Variants in MCPH1 observed in about 807,000 individuals in gnomAD.
The protein encoded by MCPH1 is microcephalin.
In MCPH1, 104 loss-of-function variants were observed where a neutral mutation model predicts 84.5. The observed-to-expected ratio is 1.23, with a 90% CI of 1.05 to 1.45. The LOEUF is 1.45. Ranked by LOEUF, MCPH1 falls within the 40% of genes most tolerant of loss-of-function variation. The pLI is 0.00. For missense variants in MCPH1, 1,498 were observed against 1,005.7 expected, an observed-to-expected ratio of 1.49 and a Z score of -6.62; for synonymous variants, 514 against 366.8, an observed-to-expected ratio of 1.40 and a Z score of -4.58.
Position 6,531,633 on chromosome 8 carries a change from A to G in MCPH1, c.2214+31704A>G, listed in dbSNP as rs556844712. ...AGTCTTCTTTCTGTTATTATTAATCACTAGCTCATAGAATCTCACAGTGGA... is the reference window on the plus strand; with the variant it reads ...AGTCTTCTTTCTGTTATTATTAATCGCTAGCTCATAGAATCTCACAGTGGA... On this transcript the variant is annotated intron_variant, in intron 12 of 13. Coordinates refer to ENST00000344683, the MANE Select transcript of MCPH1 (RefSeq NM_024596.5). 3.3e-5 allele frequency among the ~76,000 whole-genome samples: 5 copies of G among 152,218 alleles called. No homozygotes were observed. The East Asian group carries it at 9.7e-4, about 29-fold the overall frequency.
chr8:6,571,946 C>G (rs1054922064), intron 12 of MCPH1, among the ~76,000 whole-genome samples: 21 of 152,166 alleles, frequency 1.4e-4, no homozygotes, highest in African/African-American at 4.6e-4. Flanking sequence ...GATGATGGTT[C>G]AAGTCTTTCC....
At position 6,431,442 on chromosome 8, in the gene MCPH1, G is replaced by T. The variant is rs921265982; in HGVS notation, c.234-57G>T. The T allele has an allele frequency of 2.0e-5, 25 of 1,281,368 alleles. No individual in the cohort carries two copies. In the South Asian group the frequency reaches 3.0e-4, roughly 15 times the overall value. 79.4% of individuals were successfully genotyped at this position (1,281,368 alleles called of 1,614,324 possible). On this transcript the variant is annotated intron_variant, in intron 3 of 13. Transcript: ENST00000344683. The stretch of plus-strand genomic sequence containing the variant: ...CTAATACATGTGCAGATTTAGTGCT[G>T]TGTCAATGTATAATAGAAGCAAATA...
intron 13 of MCPH1, among the ~76,000 whole-genome samples, chr8:6,634,021 A>C (rs1485208432): frequency 1.3e-5 from 2 of 152,226 alleles, no homozygotes; most frequent in African/African-American, 2.4e-5. Context: ...ACCTGAAGAA[A>C]CAGAAGGATA....
At chr8:6,561,969 C>A (rs116625035) in intron 12 of MCPH1, among the ~76,000 whole-genome samples, 361 of 152,274 alleles carry the variant, frequency 2.4e-3, no homozygotes, top group African/African-American at 8.4e-3. Context: ...GGACGCATTC[C>A]GCACCGGTTG....
At chr8:6,636,846 C>G (rs1417216488) in intron 13 of MCPH1, among the ~76,000 whole-genome samples, 1 of 152,186 alleles carries the variant, frequency 6.6e-6, no homozygotes, top group African/African-American at 2.4e-5. Context: ...TGGTCTCCAG[C>G]ATTTTGGATA....
chr8:6,444,638 A>T lies in MCPH1; in HGVS notation c.916A>T (p.Ile306Phe). 1 of 1,613,920 alleles carries T rather than the reference A, an allele frequency of 6.2e-7. No individual in the cohort carries two copies. Among genetic ancestry groups the T allele is most frequent in the Non-Finnish European group, 8.5e-7 (1 of 1,180,028 alleles). ...GGAAGAAATAAACTTGCAAAGAAAT[A>T]TTGCAGGTAAAGTAGTCACCCCTGA... ...SKEEINLQRN[I>F]AGKVVTPDQK... Residue 306 changes from isoleucine to phenylalanine, a missense_variant, in exon 8 of 14, where the codon ATT becomes TTT. Ile to Phe is a conservative substitution (Grantham distance 21). Coordinates refer to ENST00000344683, the MANE Select transcript of MCPH1 (RefSeq NM_024596.5).
chr8:6,560,875 G>T (rs2959769), intron 12 of MCPH1, among the ~76,000 whole-genome samples: 13,392 of 152,280 alleles, frequency 0.088, 1,520 homozygotes, highest in African/African-American at 0.27. Context: ...CAAATACAAT[G>T]TAGCAGCCTT....
At chr8:6,442,385 G>A (rs931271853) in intron 7 of MCPH1, among the ~76,000 whole-genome samples, 3 of 151,974 alleles carry the variant, frequency 2.0e-5, no homozygotes, top group African/African-American at 7.3e-5. Context: ...TCTTGCTACA[G>A]AATCCATTGC....
At chr8:6,617,055 G>A (rs1189619478) in intron 12 of MCPH1, 4 of 152,180 alleles carry the variant, frequency 2.6e-5, no homozygotes, top group Non-Finnish European at 4.4e-5. Flanking sequence ...GGCAGGAAAT[G>A]AATTCTGTCT....
chr8:6,520,601 G>C (rs997842177), intron 12 of MCPH1, among the ~76,000 whole-genome samples: 1 of 152,104 alleles, frequency 6.6e-6, no homozygotes, highest in South Asian at 2.1e-4. Flanking sequence ...TCACCATGTT[G>C]GCCACGCTGG....
intron 3 of MCPH1, among the ~76,000 whole-genome samples, chr8:6,415,507 C>G (rs1209520768): frequency 6.6e-6 from 1 of 151,948 alleles, no homozygotes; most frequent in Admixed American, 6.6e-5. Context: ...GCACGCACCA[C>G]CATGCCTGGC....
intron 12 of MCPH1, among the ~76,000 whole-genome samples, chr8:6,528,924 G>T (rs1405120968): frequency 6.6e-6 from 1 of 152,124 alleles, no homozygotes; most frequent in South Asian, 2.1e-4. Context: ...GCCAACGTAA[G>T]GTTTTGTTTG....
At chr8:6,506,050 A>G (rs1259106267) in intron 12 of MCPH1, among the ~76,000 whole-genome samples, 1 of 148,474 alleles carries the variant, frequency 6.7e-6, no homozygotes, top group East Asian at 2.0e-4. Context: ...CTTTATATAT[A>G]TATATGTTGT....
chr8:6,547,660 C>T (rs905376970), intron 12 of MCPH1, among the ~76,000 whole-genome samples: 5 of 151,970 alleles, frequency 3.3e-5, no homozygotes, highest in Admixed American at 6.6e-5. Context: ...CTTTGAGTGA[C>T]GGTGTGTGAC....
intron 12 of MCPH1, among the ~76,000 whole-genome samples, chr8:6,530,498 G>C (rs1282544509): frequency 1.7e-5 from 2 of 115,468 alleles, no homozygotes; most frequent in Non-Finnish European, 3.4e-5. Flanking sequence ...AATGCAGTGA[G>C]ACTCTGTCTC....
rs149968952 is a variant in MCPH1, at chr8:6,641,733, G to T, written c.2453-1261G>T. 3.4e-3 allele frequency among the ~76,000 whole-genome samples: 511 copies of T among 152,272 alleles called. 4 individuals carry two copies. The highest frequency in any genetic ancestry group is 0.012 in the African/African-American group (485 of 41,554). On this transcript the variant is annotated intron_variant, in intron 13 of 13. Transcript: ENST00000344683. Reference sequence around the variant, plus strand: ...CAGTCTAACCTGCGTGACTGAGCAAGACCCTATCTCAAAAAAAGAAAAAAT... The same window carrying T: ...CAGTCTAACCTGCGTGACTGAGCAATACCCTATCTCAAAAAAAGAAAAAAT...
At position 6,573,888 on chromosome 8, in the gene MCPH1, C is replaced by A. The variant is rs191864491; in HGVS notation, c.2215-47566C>A. Among the ~76,000 whole-genome samples the A allele has an allele frequency of 3.1e-4, 47 of 152,322 alleles. 1 individual carries two copies. The highest frequency in any genetic ancestry group is 7.5e-4 in the African/African-American group (31 of 41,580). On this transcript the variant is annotated intron_variant, in intron 12 of 13. Coordinates refer to ENST00000344683, the MANE Select transcript of MCPH1 (RefSeq NM_024596.5). ...GTACACATAAGGTGGCCAGAAAAAA[C>A]CACAATGAATTGTTCTAAGGTGGTC...
intron 13 of MCPH1, among the ~76,000 whole-genome samples, chr8:6,623,044 G>A (rs977531241): frequency 1.4e-5 from 2 of 145,886 alleles, no homozygotes; most frequent in Admixed American, 6.8e-5. Context: ...GTAGAGATGG[G>A]GTCTCCCTAT....
At position 6,490,745 on chromosome 8, in the gene MCPH1, G is replaced by T. The variant is rs561335141; in HGVS notation, c.2137-9107G>T. On this transcript the variant is annotated intron_variant, in intron 11 of 13. Coordinates refer to ENST00000344683, the MANE Select transcript of MCPH1 (RefSeq NM_024596.5). Reference sequence around the variant, plus strand: ...TAGGAAAATCTCATACAGAAAATTTGTTAGGCTGTCCTTAACCAGAGAATG... The same window carrying T: ...TAGGAAAATCTCATACAGAAAATTTTTTAGGCTGTCCTTAACCAGAGAATG... 2.8e-3 allele frequency among the ~76,000 whole-genome samples: 420 copies of T among 152,178 alleles called. 6 individuals carry two copies. Among genetic ancestry groups the T allele is most frequent in the African/African-American group, 9.7e-3 (401 of 41,544 alleles).
Sources: allele counts gnomAD v4.1 joint callset (sites outside exome capture counted in the v4.1 genomes callset), GRCh38; gene constraint gnomAD v4.1.1; transcripts MANE v1.5; gene names NCBI Gene and HGNC (gene_info 2026-07-23, HGNC 2026-07-21).